The following GPR161 variants were observed in gnomAD, a reference collection of about 807,000 sequenced individuals.
The protein encoded by GPR161 is G-protein coupled receptor RE2.
Under a neutral mutation model 39.2 loss-of-function variants are expected in GPR161, and 25 were observed. The ratio of observed to expected loss-of-function variants is 0.64; its 90% CI spans 0.47 to 0.89. The LOEUF is 0.89. Among genes scored for constraint, GPR161 ranks in the 40% least tolerant of loss-of-function variants. The pLI is 0.00. For synonymous variants in GPR161, 286 were observed against 276.6 expected (o/e 1.03, Z -0.34); for missense variants, 547 against 677.8 (o/e 0.81, Z 2.14).
intron 2 of GPR161, among the ~76,000 whole-genome samples, chr1:168,102,194 G>A (rs1397907053): frequency 6.6e-6 from 1 of 152,214 alleles, no homozygotes; most frequent in Non-Finnish European, 1.5e-5. Context: ...TGCTTACCAA[G>A]TGAATACACA....
intron 2 of GPR161, among the ~76,000 whole-genome samples, chr1:168,103,441 A>AAAAG (rs1553264467): frequency 6.7e-6 from 1 of 150,282 alleles, no homozygotes; most frequent in Non-Finnish European, 1.5e-5. Context: ...AAAAAAAAAA[A>AAAAG]AGAGAAGCTA....
intron 3 of GPR161, among the ~76,000 whole-genome samples, chr1:168,092,517 T>C (rs1304848725): frequency 1.3e-5 from 2 of 152,108 alleles, no homozygotes; most frequent in Non-Finnish European, 2.9e-5. Context: ...CATGAAACAA[T>C]GTATTTACTG....
Position 168,096,530 on chromosome 1 carries a change from G to A in GPR161, c.1077C>T (p.Phe359=), listed in dbSNP as rs1344231345. The change falls in exon 3 of 6, where the codon TTC becomes TTT. Residue 359 remains phenylalanine (F), a synonymous_variant. Transcript: ENST00000682931. ...FVQRQRTSRL[F]SISNRITDLG... The stretch of plus-strand genomic sequence containing the variant: ...TACCTGTGATCCTGTTGGAAATGCT[G>A]AAGAGCCTGGAAGTCCTCTGTCGTT... The A allele has an allele frequency of 1.2e-6, 2 of 1,613,844 alleles. No homozygotes were observed. Among genetic ancestry groups the A allele is most frequent in the Non-Finnish European group, 1.7e-6 (2 of 1,179,906 alleles).
chr1:168,130,083 T>C (rs1181407692), intron 1 of GPR161, among the ~76,000 whole-genome samples: 1 of 152,238 alleles, frequency 6.6e-6, no homozygotes, highest in Non-Finnish European at 1.5e-5. Context: ...TTACCAGTCT[T>C]GCTTACCTGC....
rs201690810 is a variant in GPR161, at chr1:168,085,712, A to G, written c.1409T>C (p.Ile470Thr). The change falls in exon 6 of 6, where the codon ATT (isoleucine) becomes ACT (threonine). Residue 470 changes from isoleucine (I) to threonine (T), a missense_variant. By Grantham distance (89) the Ile-to-Thr change is moderately conservative. Transcript: ENST00000682931. The stretch of plus-strand genomic sequence containing the variant: ...TAAGTTGATTTTGGCTTCGGCCTCA[A>G]TGGCTTTGGCCAAGCTTGCTGCGTA... The part of the protein sequence containing the change: ...DSYAASLAKA[I>T]EAEAKINLFG... 6.2e-6 allele frequency: 10 copies of G among 1,614,198 alleles called. No individual in the cohort carries two copies. The East Asian group carries it at 1.3e-4, about 22-fold the overall frequency.
intron 1 of GPR161, among the ~76,000 whole-genome samples, chr1:168,135,348 AATGAAAAAGTGTAC>A (rs1699279476): frequency 6.6e-6 from 1 of 152,242 alleles, no homozygotes; most frequent in South Asian, 2.1e-4. Context: ...TTGTTGTGTG[AATGAAAAAGTGTAC>A]ATGAAAGTGC....
intron 2 of GPR161, among the ~76,000 whole-genome samples, chr1:168,101,932 T>C (rs1197342957): frequency 1.3e-5 from 2 of 151,926 alleles, no homozygotes; most frequent in South Asian, 2.1e-4. Context: ...GCCTCCCAAG[T>C]AGCTGGGATT....
intron 1 of GPR161, among the ~76,000 whole-genome samples, chr1:168,128,317 C>G (rs1164887295): frequency 6.6e-6 from 1 of 152,214 alleles, no homozygotes; most frequent in East Asian, 1.9e-4. Context: ...AATCCCCATT[C>G]TCCAGATCCC....
chr1:168,097,963 A>G (rs575296142), intron 2 of GPR161, among the ~76,000 whole-genome samples: 1 of 152,332 alleles, frequency 6.6e-6, no homozygotes, highest in African/African-American at 2.4e-5. Flanking sequence ...ATTCTGTGTA[A>G]GCCTTCTTGT....
intron 1 of GPR161, among the ~76,000 whole-genome samples, chr1:168,111,161 G>C (rs562717177): frequency 6.6e-6 from 1 of 152,292 alleles, no homozygotes; most frequent in East Asian, 1.9e-4. Context: ...CCAACAGAAG[G>C]GCAGCAGGCG....
chr1:168,119,293 T>C (rs1479976318), intron 1 of GPR161, among the ~76,000 whole-genome samples: 2 of 142,042 alleles, frequency 1.4e-5, no homozygotes, highest in Admixed American at 1.4e-4. Flanking sequence ...TATATACACA[T>C]ATATACATAC....
chr1:168,092,539 A>G (rs275154), intron 3 of GPR161, among the ~76,000 whole-genome samples: 3,552 of 152,280 alleles, frequency 0.023, 129 homozygotes, highest in African/African-American at 0.079. Context: ...GCTGAGCACA[A>G]TCCAACCCCT....
chr1:168,114,843 G>C (rs1423315078), intron 1 of GPR161, among the ~76,000 whole-genome samples: 5 of 152,054 alleles, frequency 3.3e-5, no homozygotes, highest in Non-Finnish European at 5.9e-5. Flanking sequence ...TTTATTTCTG[G>C]CCTACCCTTT....
At chr1:168,134,964 CCAAA>C (rs1212140908) in intron 1 of GPR161, 9 of 1,535,548 alleles carry the variant, frequency 5.9e-6, no homozygotes, top group African/African-American at 1.4e-5. Context: ...TCCTCGGAAC[CCAAA>C]CAGAGAGCTC....
chr1:168,099,774 C>T (rs1003304259), intron 2 of GPR161, among the ~76,000 whole-genome samples: 1 of 149,878 alleles, frequency 6.7e-6, no homozygotes, highest in Non-Finnish European at 1.5e-5. Context: ...GCCCCACAGG[C>T]ACAGCCCTGC....
intron 1 of GPR161, among the ~76,000 whole-genome samples, chr1:168,117,999 T>G (rs1405741037): frequency 6.6e-6 from 1 of 152,000 alleles, no homozygotes; most frequent in Non-Finnish European, 1.5e-5. Flanking sequence ...AACAAACAAA[T>G]AAGTGGGGTA....
chr1:168,087,519 G>C (rs1208585480), intron 5 of GPR161, 66 bp downstream of exon 5: 1 of 1,585,092 alleles, frequency 6.3e-7, no homozygotes, highest in Admixed American at 1.7e-5. Flanking sequence ...CCTGAGCCAA[G>C]GAATTGTCCT....
At chr1:168,113,547 C>T (rs1697392986) in intron 1 of GPR161, among the ~76,000 whole-genome samples, 1 of 152,186 alleles carries the variant, frequency 6.6e-6, no homozygotes, top group Non-Finnish European at 1.5e-5. Flanking sequence ...AATCTTATCA[C>T]TCAAGTCAGT....
At chr1:168,124,504 T>C (rs1243931543) in intron 1 of GPR161, among the ~76,000 whole-genome samples, 2 of 152,228 alleles carry the variant, frequency 1.3e-5, no homozygotes, top group African/African-American at 2.4e-5. Flanking sequence ...ACGTGGAATT[T>C]TGACTTGGGA....
Sources: allele counts gnomAD v4.1 joint callset (sites outside exome capture counted in the v4.1 genomes callset), GRCh38; gene constraint gnomAD v4.1.1; transcripts MANE v1.5; gene names NCBI Gene and HGNC (gene_info 2026-07-23, HGNC 2026-07-21).